Variants in MMP26 observed in about 807,000 individuals in gnomAD.
MMP26 encodes matrix metallopeptidase 26.
A neutral mutation model predicts 31.0 loss-of-function variants in MMP26; 33 were observed. The ratio of observed to expected loss-of-function variants is 1.06; its 90% CI spans 0.81 to 1.42. The LOEUF is 1.42. MMP26 is among the 40% of genes most tolerant of loss of function. The pLI is 0.00. For synonymous variants in MMP26, 122 were observed against 114.9 expected, an observed-to-expected ratio of 1.06 and a Z score of -0.40; for missense variants, 347 against 316.1, an observed-to-expected ratio of 1.10 and a Z score of -0.74.
rs774867204 is a variant in MMP26 at position 4,822,311 on chromosome 11, A to G, written c.-145+54970A>G. On this transcript the variant is annotated intron_variant, in intron 2 of 7. Coordinates refer to ENST00000380390, the MANE Select transcript of MMP26 (RefSeq NM_021801.5). ...CTCAACCCTATTATTTACAGTGTAAAGATTAAGCAGATTCAAAAGGCCATT... is the reference window on the plus strand; with the variant it reads ...CTCAACCCTATTATTTACAGTGTAAGGATTAAGCAGATTCAAAAGGCCATT... 3 of 1,510,134 alleles carry G rather than the reference A, an allele frequency of 2.0e-6. No individual in the cohort carries two copies. In the South Asian group the frequency reaches 4.1e-5, roughly 20 times the overall value. 93.5% of individuals were successfully genotyped at this position (1,510,134 alleles called of 1,614,324 possible). A position where few individuals can be genotyped will look rare whatever the true frequency, so the allele number is the denominator to read the frequency against.
chr11:4,899,912 T>C (rs928478817), intron 2 of MMP26, among the ~76,000 whole-genome samples: 2 of 152,154 alleles, frequency 1.3e-5, no homozygotes, highest in African/African-American at 2.4e-5. Context: ...ATTTTCCAAG[T>C]AGGTCACCAA....
At chr11:4,889,965 C>T (rs565400456) in intron 2 of MMP26, 28 of 162,668 alleles carry the variant, frequency 1.7e-4, no homozygotes, top group South Asian at 5.5e-4. Context: ...ACAGTGTTGT[C>T]GGAGCAGGCC....
At chr11:4,804,954 A>T (rs1849246229) in intron 2 of MMP26, among the ~76,000 whole-genome samples, 2 of 146,832 alleles carry the variant, frequency 1.4e-5, no homozygotes, top group Admixed American at 6.8e-5. Context: ...TGGGTGTCAG[A>T]GCGAAACCGC....
At chr11:4,809,881 G>T (rs770356149) in intron 2 of MMP26, among the ~76,000 whole-genome samples, 1 of 152,182 alleles carries the variant, frequency 6.6e-6, no homozygotes, top group Non-Finnish European at 1.5e-5. Flanking sequence ...AGAGGTGCCT[G>T]AAGTACAGAT....
intron 1 of MMP26, among the ~76,000 whole-genome samples, chr11:4,751,510 C>G (rs545806064): frequency 2.0e-4 from 30 of 151,924 alleles, no homozygotes; most frequent in African/African-American, 7.0e-4. Context: ...TAAAGTCCAC[C>G]ATGAAAAAAC....
intron 2 of MMP26, among the ~76,000 whole-genome samples, chr11:4,967,462 A>G (rs951697332): frequency 2.0e-5 from 3 of 152,212 alleles, no homozygotes; most frequent in African/African-American, 7.2e-5. Context: ...CCAAGAACTT[A>G]CCACCAAAGT....
intron 2 of MMP26, among the ~76,000 whole-genome samples, chr11:4,859,088 C>T (rs1850103674): frequency 1.3e-5 from 2 of 152,174 alleles, no homozygotes; most frequent in Admixed American, 1.3e-4. Context: ...GGATTAAAGA[C>T]TTAAATATTA....
At chr11:4,905,673 A>G (rs1415477347) in intron 2 of MMP26, among the ~76,000 whole-genome samples, 1 of 152,060 alleles carries the variant, frequency 6.6e-6, no homozygotes, top group Non-Finnish European at 1.5e-5. Flanking sequence ...TAATTTCATA[A>G]TTTTAATTTA....
Position 4,723,804 on chromosome 11 carries a change from C to A in MMP26, c.-217+18759C>A, listed in dbSNP as rs1029099394. On this transcript the variant is annotated intron_variant, in intron 1 of 7. Transcript: ENST00000380390. ...CTGTCTTCTGCTGCTGCAGGAGGCT[C>A]CACTTGGTCTCCAGCATCTTGTTAT... The A allele has an allele frequency of 7.6e-6, 12 of 1,570,978 alleles. No homozygotes were observed. The African/African-American group carries it at 1.5e-4, about 19-fold the overall frequency.
chr11:4,722,477 T>A (rs1485793618), intron 1 of MMP26, among the ~76,000 whole-genome samples: 2 of 140,394 alleles, frequency 1.4e-5, no homozygotes, highest in Non-Finnish European at 1.5e-5. Context: ...TTACTTTTTT[T>A]TTTTTTTTTT....
chr11:4,761,995 A>T (rs1236550708), intron 1 of MMP26, among the ~76,000 whole-genome samples: 1 of 152,150 alleles, frequency 6.6e-6, no homozygotes, highest in African/African-American at 2.4e-5. Flanking sequence ...CCAGGAAAAA[A>T]AAAAGACCTG....
chr11:4,722,930 T>A lies in MMP26; in HGVS notation c.-217+17885T>A, dbSNP rs1421038474. On this transcript the variant is annotated intron_variant, in intron 1 of 7. Coordinates refer to ENST00000380390, the MANE Select transcript of MMP26 (RefSeq NM_021801.5). ...ATAGGCCGAGCTTAGACCACCTGCA[T>A]AGACACTGGTGGTCTTTGTATGGAT... 4 of 782,740 alleles carry A rather than the reference T, an allele frequency of 5.1e-6. No homozygotes were observed. The Admixed American group carries it at 6.8e-5, about 13-fold the overall frequency. The allele number at this position is 782,740 out of a possible 1,614,324, so 48.5% of individuals were successfully genotyped here.
intron 2 of MMP26, among the ~76,000 whole-genome samples, chr11:4,842,476 T>C (rs1014568804): frequency 1.3e-5 from 2 of 152,120 alleles, no homozygotes; most frequent in Non-Finnish European, 2.9e-5. Context: ...GAGGAAGCAA[T>C]CACGTCTTCA....
At chr11:4,984,873 G>A (rs894043519) in intron 2 of MMP26, among the ~76,000 whole-genome samples, 5 of 152,064 alleles carry the variant, frequency 3.3e-5, no homozygotes, top group African/African-American at 1.2e-4. Context: ...TCTTTCAATG[G>A]GATAGAGAGA....
At chr11:4,859,893 C>T (rs1206591761) in intron 2 of MMP26, 3 of 470,998 alleles carry the variant, frequency 6.4e-6, no homozygotes, top group Non-Finnish European at 1.3e-5. Context: ...GCACAGTCTT[C>T]AGGGTGAGTA....
At chr11:4,722,036 G>A (rs188566653) in intron 1 of MMP26, among the ~76,000 whole-genome samples, 2 of 152,206 alleles carry the variant, frequency 1.3e-5, no homozygotes, top group African/African-American at 4.8e-5. Context: ...ACCGTGTGAA[G>A]TGCATTGTTC....
At chr11:4,750,952 G>C (rs1848440258) in intron 1 of MMP26, among the ~76,000 whole-genome samples, 1 of 151,916 alleles carries the variant, frequency 6.6e-6, no homozygotes, top group Non-Finnish European at 1.5e-5. Flanking sequence ...CAGATTTATT[G>C]GATGTGGGAC....
rs1846353645 is a variant in MMP26, at chr11:4,949,820, A to T, written c.-144-38248A>T. Among the ~76,000 whole-genome samples, 2 of 96,990 alleles carry T rather than the reference A, an allele frequency of 2.1e-5. 1 individual carries two copies. The highest frequency in any genetic ancestry group is 4.9e-5 in the Non-Finnish European group (2 of 40,734). 63.6% of individuals were successfully genotyped at this position (96,990 alleles called of 152,430 possible). A position where few individuals can be genotyped will look rare whatever the true frequency, so the allele number is the denominator to read the frequency against. The stretch of plus-strand genomic sequence containing the variant: ...TTAACAAAACTGAAAGAATAAAGAG[A>T]TAAAACACTAAACTTATTTTAATGT... On this transcript the variant is annotated intron_variant, in intron 2 of 7. Coordinates refer to ENST00000380390, the MANE Select transcript of MMP26 (RefSeq NM_021801.5).
At chr11:4,735,375 T>C (rs1848226381) in intron 1 of MMP26, among the ~76,000 whole-genome samples, 1 of 152,198 alleles carries the variant, frequency 6.6e-6, no homozygotes, top group Non-Finnish European at 1.5e-5. Flanking sequence ...TATACATGCG[T>C]GCATGTGTGT....
Sources: gnomAD v4.1 joint callset for allele counts (sites outside exome capture counted in the v4.1 genomes callset) on GRCh38, gnomAD v4.1.1 for gene constraint, MANE v1.5 for transcripts, NCBI Gene and HGNC (gene_info 2026-07-23, HGNC 2026-07-21) for gene names.